The following TTC6 variants were observed in gnomAD, a reference collection of about 807,000 sequenced individuals.
TTC6 encodes tetratricopeptide repeat domain 6, also known as tetratricopeptide repeat protein 6.
TTC6 carries 172 observed loss-of-function variants against 210.4 expected under a neutral mutation model. That is an observed-to-expected ratio of 0.82 (90% CI 0.72 to 0.93). The LOEUF (loss-of-function observed/expected upper bound fraction) is 0.93. Ranked by LOEUF, TTC6 falls within the 40% of genes least tolerant of loss-of-function variation. The probability of loss-of-function intolerance (pLI) is 0.00; values close to 1 mark genes in which losing one functional copy is unlikely to be tolerated. For synonymous variants in TTC6, 804 were observed against 819.6 expected, an observed-to-expected ratio of 0.98 and a Z score of 0.32; for missense variants, 2,414 against 2,318.1, an observed-to-expected ratio of 1.04 and a Z score of -0.85.
chr14:37,731,423 C>A (rs921727293), intron 7 of TTC6, among the ~76,000 whole-genome samples: 3 of 152,080 alleles, frequency 2.0e-5, no homozygotes, highest in African/African-American at 7.2e-5. Context: ...ATATGAAAAA[C>A]ACGACACTAA....
chr14:37,804,610 A>C, intron 20 of TTC6, 70 bp from the exon 23 acceptor site: 1 of 1,557,940 alleles, frequency 6.4e-7, no homozygotes, highest in Non-Finnish European at 8.7e-7. Context: ...TTAACATATA[A>C]GGCTGTAACG....
exon 2 of TTC6, chr14:37,680,229 A>G (rs2095780171): frequency 6.5e-7 from 1 of 1,534,172 alleles, no homozygotes; most frequent in Non-Finnish European, 8.7e-7. Context: ...AGCAGAGTAT[A>G]AATTCCAGAT....
At chr14:37,671,232 A>C (rs2095757554) in intron 1 of TTC6, among the ~76,000 whole-genome samples, 1 of 152,152 alleles carries the variant, frequency 6.6e-6, no homozygotes, top group African/African-American at 2.4e-5. Flanking sequence ...GGGACTGCTT[A>C]AGTGTTGTTA....
chr14:37,747,106 G>C (rs2095938299), intron 10 of TTC6, among the ~76,000 whole-genome samples: 1 of 152,116 alleles, frequency 6.6e-6, no homozygotes, highest in African/African-American at 2.4e-5. Flanking sequence ...AAAGCTCTTT[G>C]ATCTCCCAAT....
chr14:37,825,461 TG>T (rs2096168705), intron 27 of TTC6, among the ~76,000 whole-genome samples: 1 of 152,034 alleles, frequency 6.6e-6, no homozygotes, highest in African/African-American at 2.4e-5. Context: ...TCTGGCAAGA[TG>T]GGTTTTTTTA....
At chr14:37,752,998 T>C (rs2095956799) in intron 13 of TTC6, 101 bp from the exon 16 acceptor site, 1 of 925,734 alleles carries the variant, frequency 1.1e-6, no homozygotes, top group African/African-American at 1.7e-5. Context: ...TTTGCTTTTA[T>C]TAACCCGAAG....
intron 1 of TTC6, among the ~76,000 whole-genome samples, chr14:37,668,283 C>T (rs2095752090): frequency 6.6e-6 from 1 of 150,518 alleles, no homozygotes; most frequent in Admixed American, 6.6e-5. Flanking sequence ...TTGTATCAGT[C>T]AGTTAATGCT....
intron 29 of TTC6, chr14:37,837,500 ACCTAATT>A (rs1255842011): frequency 4.6e-6 from 2 of 437,434 alleles, no homozygotes; most frequent in African/African-American, 4.1e-5. Context: ...TGAACTAATT[ACCTAATT>A]AAGAGGAAGC....
chr14:37,790,160 C>G (rs1339385924), intron 15 of TTC6, among the ~76,000 whole-genome samples: 1 of 152,058 alleles, frequency 6.6e-6, no homozygotes, highest in East Asian at 1.9e-4. Context: ...TGTGCATAGT[C>G]AAGCCGTCCG....
chr14:37,678,097 A>G (rs754809217), intron 1 of TTC6, among the ~76,000 whole-genome samples: 12 of 152,014 alleles, frequency 7.9e-5, no homozygotes, highest in Non-Finnish European at 1.6e-4. Context: ...GGACATTATG[A>G]ATTTTACATT....
rs1188404683 is a variant in TTC6, at chr14:37,683,332, C to A, written c.1257+368C>A. Among the ~76,000 whole-genome samples the A allele has an allele frequency of 3.3e-5, 5 of 152,222 alleles. No homozygotes were observed. In the East Asian group the frequency reaches 9.7e-4, roughly 29 times the overall value. On this transcript the variant is annotated intron_variant, in intron 3 of 30. Transcript: ENST00000553443. The stretch of plus-strand genomic sequence containing the variant: ...TTTTATAGCTTTTATAACTTTACCT[C>A]ATTTAGGTTCATACTAACCCCTGAG...
intron 1 of TTC6, among the ~76,000 whole-genome samples, chr14:37,654,448 A>T (rs981120324): frequency 3.3e-5 from 5 of 152,098 alleles, no homozygotes; most frequent in African/African-American, 1.2e-4. Flanking sequence ...TACTTTTGGA[A>T]TATGGCATGG....
intron 20 of TTC6, among the ~76,000 whole-genome samples, chr14:37,797,702 A>G (rs1298550676): frequency 2.6e-5 from 4 of 151,978 alleles, no homozygotes; most frequent in Non-Finnish European, 5.9e-5. Flanking sequence ...GGCGTCTTAA[A>G]AAATACCTTG....
intron 20 of TTC6, among the ~76,000 whole-genome samples, chr14:37,800,976 C>G (rs2096105285): frequency 6.6e-6 from 1 of 152,090 alleles, no homozygotes; most frequent in Non-Finnish European, 1.5e-5. Flanking sequence ...GACTAGGAAC[C>G]CACAGGATGA....
At chr14:37,647,219 C>G (rs191645251) in intron 1 of TTC6, among the ~76,000 whole-genome samples, 84 of 152,254 alleles carry the variant, frequency 5.5e-4, no homozygotes, top group Non-Finnish European at 9.1e-4. Context: ...TGGGAAGACA[C>G]TGGAGGGTTT....
intron 17 of TTC6, among the ~76,000 whole-genome samples, chr14:37,794,696 G>A (rs182537520): frequency 2.8e-4 from 42 of 152,080 alleles, no homozygotes; most frequent in Admixed American, 2.2e-3. Flanking sequence ...GTGGAATAGA[G>A]TTTTAGTTTT....
chr14:37,672,093 T>TA (rs1199924410), intron 1 of TTC6, among the ~76,000 whole-genome samples: 2 of 152,172 alleles, frequency 1.3e-5, no homozygotes, highest in African/African-American at 2.4e-5. Context: ...ATTTTAGTTT[T>TA]ATGGAATACT....
chr14:37,799,991 A>C (rs763550506), intron 20 of TTC6, among the ~76,000 whole-genome samples: 3 of 152,168 alleles, frequency 2.0e-5, no homozygotes, highest in Non-Finnish European at 4.4e-5. Flanking sequence ...GTTTTAAAGC[A>C]TTAAGTTTGT....
rs767885469 is a variant in TTC6 at position 37,796,287 on chromosome 14, C to T, written c.3792-7C>T. ...TGCTTAGAATCAAAATCGATTATTTCTTCCAGAGGACAATATCTTCTTATG... is the reference window on the plus strand; with the variant it reads ...TGCTTAGAATCAAAATCGATTATTTTTTCCAGAGGACAATATCTTCTTATG... On this transcript the variant is annotated splice_region_variant and splice_polypyrimidine_tract_variant and intron_variant, in intron 18 of 30. Coordinates refer to ENST00000553443, the Ensembl canonical transcript of TTC6. 5 of 1,208,592 alleles carry T rather than the reference C, an allele frequency of 4.1e-6. No individual in the cohort carries two copies. The South Asian group carries it at 7.4e-5, about 18-fold the overall frequency. 74.9% of individuals were successfully genotyped at this position (1,208,592 alleles called of 1,614,324 possible). A position where few individuals can be genotyped will look rare whatever the true frequency, so the allele number is the denominator to read the frequency against.
Sources: gnomAD v4.1 joint callset for allele counts (sites outside exome capture counted in the v4.1 genomes callset) on GRCh38, gnomAD v4.1.1 for gene constraint, MANE v1.5 for transcripts, NCBI Gene and HGNC (gene_info 2026-07-23, HGNC 2026-07-21) for gene names.